Variants in GABBR2 observed in about 807,000 individuals in gnomAD.
The protein encoded by GABBR2 is G-protein coupled receptor 51.
GABBR2 carries 23 observed loss-of-function variants against 105.6 expected under a neutral mutation model. That is an observed-to-expected ratio of 0.22 (90% confidence interval 0.16 to 0.31). The LOEUF is 0.31. Among genes scored for constraint, GABBR2 ranks in the 10% least tolerant of loss-of-function variants. GABBR2 has a pLI of 1.00. For synonymous variants in GABBR2, 478 were observed against 499.7 expected (o/e 0.96, Z 0.58); for missense variants, 734 against 1,245.5 (o/e 0.59, Z 6.18).
intron 8 of GABBR2, 107 bp downstream of exon 8, chr9:98,405,974 A>G (rs1832482614): frequency 1.4e-6 from 1 of 723,298 alleles, no homozygotes; most frequent in African/African-American, 1.8e-5. Context: ...GCTTTCTTTT[A>G]TCTGGAACAT....
chr9:98,343,602 G>T (rs1831251785), intron 13 of GABBR2, among the ~76,000 whole-genome samples: 1 of 152,228 alleles, frequency 6.6e-6, no homozygotes, highest in Non-Finnish European at 1.5e-5. Context: ...GCTCACACCT[G>T]TAATCCCAGC....
intron 6 of GABBR2, among the ~76,000 whole-genome samples, chr9:98,456,237 C>T (rs148243654): frequency 7.2e-5 from 11 of 152,278 alleles, no homozygotes; most frequent in African/African-American, 2.4e-4. Context: ...CCCTTGATCA[C>T]ATCAAGTTGG....
At chr9:98,479,142 A>T (rs1475538943) in intron 5 of GABBR2, among the ~76,000 whole-genome samples, 2 of 152,172 alleles carry the variant, frequency 1.3e-5, no homozygotes, top group African/African-American at 4.8e-5. Context: ...ATGTGGAAAG[A>T]CCTCTTGCTA....
chr9:98,324,132 G>A (rs1830876209), intron 13 of GABBR2, among the ~76,000 whole-genome samples: 2 of 152,138 alleles, frequency 1.3e-5, no homozygotes, highest in Admixed American at 1.3e-4. Flanking sequence ...TTGACTGCAG[G>A]CTCAGGGCCC....
chr9:98,355,637 T>C (rs997125279), intron 13 of GABBR2, among the ~76,000 whole-genome samples: 1 of 152,248 alleles, frequency 6.6e-6, no homozygotes, highest in South Asian at 2.1e-4. Flanking sequence ...ATTGGTAAGA[T>C]GTCAATACTT....
chr9:98,480,178 C>T (rs1393525483), intron 5 of GABBR2, among the ~76,000 whole-genome samples: 9 of 152,136 alleles, frequency 5.9e-5, no homozygotes, highest in Non-Finnish European at 1.3e-4. Context: ...CCTGCCTGGG[C>T]TTTCATTTTG....
intron 3 of GABBR2, among the ~76,000 whole-genome samples, chr9:98,499,779 C>T (rs1367411625): frequency 2.6e-5 from 4 of 152,218 alleles, no homozygotes; most frequent in African/African-American, 4.8e-5. Flanking sequence ...AGGCCAGGTG[C>T]GGTGGCTCAC....
intron 2 of GABBR2, among the ~76,000 whole-genome samples, chr9:98,557,905 A>G (rs1384930571): frequency 6.6e-6 from 1 of 152,218 alleles, no homozygotes; most frequent in Non-Finnish European, 1.5e-5. Flanking sequence ...AACGTCAGGG[A>G]TACATGGGAT....
chr9:98,520,492 A>G (rs1827846842), intron 3 of GABBR2, among the ~76,000 whole-genome samples: 1 of 152,100 alleles, frequency 6.6e-6, no homozygotes, highest in African/African-American at 2.4e-5. Context: ...TTGATATGGC[A>G]AATTGTGTGA....
chr9:98,412,939 G>A (rs984429226), intron 7 of GABBR2, among the ~76,000 whole-genome samples: 2 of 152,194 alleles, frequency 1.3e-5, no homozygotes, highest in African/African-American at 2.4e-5. Context: ...ACATTCCTAC[G>A]CGGCTGTCTA....
chr9:98,618,742 A>G (rs2131819746), intron 1 of GABBR2, among the ~76,000 whole-genome samples: 1 of 152,164 alleles, frequency 6.6e-6, no homozygotes, highest in East Asian at 1.9e-4. Context: ...GCCCTGGGGA[A>G]CCAGCCTTTG....
At chr9:98,473,791 C>T (rs1392586865) in intron 5 of GABBR2, among the ~76,000 whole-genome samples, 2 of 152,126 alleles carry the variant, frequency 1.3e-5, no homozygotes, top group Non-Finnish European at 2.9e-5. Flanking sequence ...GTCTCTAACC[C>T]TAAAAATGTC....
At chr9:98,302,670 G>C (rs1306828498) in intron 16 of GABBR2, among the ~76,000 whole-genome samples, 1 of 152,132 alleles carries the variant, frequency 6.6e-6, no homozygotes, top group Non-Finnish European at 1.5e-5. Context: ...GGTAGAGGAG[G>C]GGAGGTAATT....
chr9:98,508,777 C>A (rs142027067), intron 3 of GABBR2, among the ~76,000 whole-genome samples: 1 of 151,428 alleles, frequency 6.6e-6, no homozygotes, highest in Non-Finnish European at 1.5e-5. Context: ...CAGGAAACTC[C>A]AACTGGGTGG....
At chr9:98,668,678 C>T (rs538191040) in intron 1 of GABBR2, among the ~76,000 whole-genome samples, 1 of 152,312 alleles carries the variant, frequency 6.6e-6, no homozygotes, top group Non-Finnish European at 1.5e-5. Flanking sequence ...ACTCCCAATT[C>T]TCCCTCCTTC....
At chr9:98,647,837 G>T (rs537063312) in intron 1 of GABBR2, among the ~76,000 whole-genome samples, 2 of 152,096 alleles carry the variant, frequency 1.3e-5, no homozygotes, top group Non-Finnish European at 1.5e-5. Flanking sequence ...TCGAGCGCTG[G>T]CTCTGATACG....
chr9:98,321,075 G>A (rs1350735168), intron 13 of GABBR2, among the ~76,000 whole-genome samples: 1 of 152,132 alleles, frequency 6.6e-6, no homozygotes, highest in Non-Finnish European at 1.5e-5. Context: ...AGGACCTGGA[G>A]CCTACAGGAA....
At chr9:98,502,315 GT>G in intron 3 of GABBR2, among the ~76,000 whole-genome samples, 1 of 152,246 alleles carries the variant, frequency 6.6e-6, no homozygotes, top group Middle Eastern at 3.4e-3. Context: ...AGGGAGGCTG[GT>G]CCCCACTTCT....
intron 1 of GABBR2, among the ~76,000 whole-genome samples, chr9:98,665,568 G>T (rs1004740322): frequency 6.6e-6 from 1 of 152,130 alleles, no homozygotes; most frequent in Non-Finnish European, 1.5e-5. Flanking sequence ...AGAGGAATCT[G>T]GTGGGAAAAA....
Sources: allele counts gnomAD v4.1 joint callset (sites outside exome capture counted in the v4.1 genomes callset), GRCh38; gene constraint gnomAD v4.1.1; transcripts MANE v1.5; gene names NCBI Gene and HGNC (gene_info 2026-07-23, HGNC 2026-07-21).